Variants in RFC3 observed in about 807,000 individuals in gnomAD.
RFC3 encodes the protein A1 38 kDa subunit.
A neutral mutation model predicts 45.1 loss-of-function variants in RFC3; 41 were observed. The observed-to-expected ratio is 0.91, with a 90% CI of 0.71 to 1.18. RFC3 has a LOEUF of 1.18. RFC3 is among the 50% of genes most tolerant of loss of function. The pLI is 0.00. For synonymous variants in RFC3, 149 were observed against 144.0 expected, an observed-to-expected ratio of 1.03 and a Z score of -0.25; for missense variants, 423 against 428.1, an observed-to-expected ratio of 0.99 and a Z score of 0.10.
intron 8 of RFC3, among the ~76,000 whole-genome samples, chr13:33,882,328 T>C (rs1300468304): frequency 1.3e-5 from 2 of 152,178 alleles, no homozygotes; most frequent in Non-Finnish European, 2.9e-5. Context: ...CACGTGTAGA[T>C]TCATGTAACT....
chr13:33,818,963 T>C (rs966006942), intron 1 of RFC3, among the ~76,000 whole-genome samples: 1 of 145,430 alleles, frequency 6.9e-6, no homozygotes, highest in Non-Finnish European at 1.5e-5. Flanking sequence ...CGGTCTCGGC[T>C]CACTGCAACC....
At chr13:33,939,182 G>T (rs1390113373) in intron 8 of RFC3, among the ~76,000 whole-genome samples, 28 of 151,862 alleles carry the variant, frequency 1.8e-4, no homozygotes, top group Admixed American at 1.8e-3. Flanking sequence ...TTTTTCACTT[G>T]GTTAATCACA....
At chr13:33,894,254 G>A (rs2137643824) in intron 8 of RFC3, among the ~76,000 whole-genome samples, 1 of 152,278 alleles carries the variant, frequency 6.6e-6, no homozygotes, top group Admixed American at 6.5e-5. Flanking sequence ...AGGATATGGG[G>A]GAGGGCCATA....
At chr13:33,849,905 G>A (rs1368095686) in intron 8 of RFC3, 1 of 151,848 alleles carries the variant, frequency 6.6e-6, no homozygotes, top group Non-Finnish European at 1.5e-5. Flanking sequence ...AAACAAAAAA[G>A]TATTAGAGTT....
chr13:33,839,491 A>G (rs530431941), downstream of RFC3, among the ~76,000 whole-genome samples: 1 of 152,358 alleles, frequency 6.6e-6, no homozygotes, highest in South Asian at 2.1e-4. Flanking sequence ...ATAGAGGGTC[A>G]TAATGTTGCT....
At position 33,922,280 on chromosome 13, in the gene RFC3, G is replaced by A. The variant is rs535655707; in HGVS notation, c.880-43807G>A. ...AATTCAATGAATTTTAGTATATTTA[G>A]AGTTGTGTGATCAACACCACAATCT... is the stretch of plus-strand genomic sequence containing the variant. On this transcript the variant is annotated intron_variant, in intron 8 of 8. Transcript: ENST00000434425. Among the ~76,000 whole-genome samples, 23 of 150,788 alleles carry A rather than the reference G, an allele frequency of 1.5e-4. No homozygotes were observed. In the South Asian group the frequency reaches 2.7e-3, roughly 18 times the overall value.
chr13:33,847,033 C>A (rs1455621437), intron 8 of RFC3: 1 of 152,308 alleles, frequency 6.6e-6, no homozygotes, highest in Non-Finnish European at 1.5e-5. Flanking sequence ...TCCCGAGTAG[C>A]TGGGATTACA....
chr13:33,902,773 A>C (rs2082649614), intron 8 of RFC3, among the ~76,000 whole-genome samples: 3 of 151,992 alleles, frequency 2.0e-5, no homozygotes, highest in Admixed American at 2.0e-4. Context: ...GAACCACCAG[A>C]GGAAGTTTTA....
At chr13:33,921,624 C>T (rs1399814580) in intron 8 of RFC3, among the ~76,000 whole-genome samples, 2 of 152,016 alleles carry the variant, frequency 1.3e-5, no homozygotes, top group Non-Finnish European at 2.9e-5. Flanking sequence ...TGAGGTGACA[C>T]CACTGAGGGT....
At chr13:33,914,327 C>A (rs1020556933) in intron 8 of RFC3, among the ~76,000 whole-genome samples, 2 of 152,100 alleles carry the variant, frequency 1.3e-5, no homozygotes, top group African/African-American at 4.8e-5. Context: ...TCTATCCATT[C>A]ATTCTGCCAA....
rs367990327 is a variant in RFC3 at position 33,953,917 on chromosome 13, T to G, written c.880-12170T>G. ...ACAGTGTTAAGCAGAGTTTTACTAA[T>G]TGGAGAATTTTACTTGTTCCCTTTT... On this transcript the variant is annotated intron_variant, in intron 8 of 8. Transcript: ENST00000434425. Among the ~76,000 whole-genome samples, 10 of 152,304 alleles carry G rather than the reference T, an allele frequency of 6.6e-5. No homozygotes were observed. The East Asian group carries it at 9.6e-4, about 15-fold the overall frequency.
intron 8 of RFC3, among the ~76,000 whole-genome samples, chr13:33,863,744 C>G (rs1435524581): frequency 6.6e-6 from 1 of 152,126 alleles, no homozygotes; most frequent in African/African-American, 2.4e-5. Flanking sequence ...TTGTTACTGC[C>G]CTGCTGTATA....
chr13:33,894,168 CTG>C (rs1019114430), intron 8 of RFC3, among the ~76,000 whole-genome samples: 2 of 152,244 alleles, frequency 1.3e-5, no homozygotes, highest in Middle Eastern at 3.4e-3. Flanking sequence ...AGGTGAAAAA[CTG>C]TAAGTCCCCA....
intron 8 of RFC3, among the ~76,000 whole-genome samples, chr13:33,932,228 A>G (rs1351944491): frequency 6.6e-6 from 1 of 152,134 alleles, no homozygotes; most frequent in African/African-American, 2.4e-5. Context: ...GCTAAAGAAC[A>G]CATTTTAATC....
At chr13:33,952,809 C>T (rs2082998768) in intron 8 of RFC3, among the ~76,000 whole-genome samples, 1 of 152,162 alleles carries the variant, frequency 6.6e-6, no homozygotes, top group South Asian at 2.1e-4. Context: ...CCAAAGTATC[C>T]TCCTAGGCAA....
chr13:33,924,179 T>C (rs1254158458), intron 8 of RFC3, among the ~76,000 whole-genome samples: 2 of 152,072 alleles, frequency 1.3e-5, no homozygotes, highest in African/African-American at 4.8e-5. Flanking sequence ...TAATTGACTT[T>C]AAAAGACAAG....
intron 8 of RFC3, among the ~76,000 whole-genome samples, chr13:33,922,877 T>C (rs1405876806): frequency 6.6e-6 from 1 of 152,096 alleles, no homozygotes; most frequent in Non-Finnish European, 1.5e-5. Context: ...GAGGTAATAG[T>C]AGGTGTCTCG....
chr13:33,954,860 AT>A (rs1188883338), intron 8 of RFC3, among the ~76,000 whole-genome samples: 1 of 152,196 alleles, frequency 6.6e-6, no homozygotes, highest in Non-Finnish European at 1.5e-5. Flanking sequence ...GCTTCAACAT[AT>A]GAATTTTAGG....
In RFC3 at chr13:33,821,216, G is replaced by A; in HGVS notation, c.172G>A (p.Glu58Lys). ...KKTRIMCILR[E>K]LYGVGVEKLR... Reference sequence around the variant, plus strand: ...GACAAGAATTATGTGTATTCTACGTGAACTTTATGGTGTTGGAGTGGAAAA... The same window carrying A: ...GACAAGAATTATGTGTATTCTACGTAAACTTTATGGTGTTGGAGTGGAAAA... The change falls in exon 2 of 9, where the codon GAA (glutamate) becomes AAA (lysine). Residue 58 changes from glutamate to lysine, a missense_variant. Coordinates refer to ENST00000380071, the MANE Select transcript of RFC3 (RefSeq NM_002915.4). 6.2e-7 allele frequency: 1 copy of A among 1,613,742 alleles called. No homozygotes were observed. The highest frequency in any genetic ancestry group is 2.2e-5 in the East Asian group (1 of 44,864).
Sources: gnomAD v4.1 joint callset for allele counts (sites outside exome capture counted in the v4.1 genomes callset) on GRCh38, gnomAD v4.1.1 for gene constraint, MANE v1.5 for transcripts, NCBI Gene and HGNC (gene_info 2026-07-23, HGNC 2026-07-21) for gene names.